NLGN1: variants seen among roughly 807,000 people sequenced by gnomAD.
The protein encoded by NLGN1 is neuroligin-1.
A neutral mutation model predicts 65.5 loss-of-function variants in NLGN1; 12 were observed. The ratio of observed to expected loss-of-function variants is 0.18; its 90% CI spans 0.12 to 0.30. NLGN1 has a LOEUF of 0.30. NLGN1 is among the 10% of genes least tolerant of loss of function. The probability of loss-of-function intolerance (pLI) is 1.00; values close to 1 mark genes in which losing one functional copy is unlikely to be tolerated. For missense variants in NLGN1, 750 were observed against 1,007.1 expected, an observed-to-expected ratio of 0.74 and a Z score of 3.46; for synonymous variants, 350 against 359.5, an observed-to-expected ratio of 0.97 and a Z score of 0.30.
chr3:173,949,078 G>A (rs753520799), intron 4 of NLGN1, among the ~76,000 whole-genome samples: 2 of 151,758 alleles, frequency 1.3e-5, no homozygotes, highest in South Asian at 4.2e-4. Flanking sequence ...CTCATAAATA[G>A]AAACAGCTAA....
chr3:174,015,709 A>AAACAG, intron 4 of NLGN1, among the ~76,000 whole-genome samples: 1 of 152,278 alleles, frequency 6.6e-6, no homozygotes, highest in East Asian at 1.9e-4. Context: ...AGAAAACAGA[A>AAACAG]GACAGGAGTG....
intron 2 of NLGN1, among the ~76,000 whole-genome samples, chr3:173,517,820 A>G (rs918870853): frequency 1.3e-5 from 2 of 149,352 alleles, no homozygotes; most frequent in South Asian, 2.1e-4. Flanking sequence ...TCTGTCATCT[A>G]TCTCCATGGT....
intron 4 of NLGN1, among the ~76,000 whole-genome samples, chr3:173,934,497 T>A (rs1470202432): frequency 6.6e-6 from 1 of 151,894 alleles, no homozygotes; most frequent in Non-Finnish European, 1.5e-5. Context: ...AATATTAGGA[T>A]AAAACTCAAA....
At chr3:174,197,123 A>G (rs1400062874) in intron 4 of NLGN1, among the ~76,000 whole-genome samples, 1 of 152,250 alleles carries the variant, frequency 6.6e-6, no homozygotes, top group Non-Finnish European at 1.5e-5. Flanking sequence ...CCATGCCCAC[A>G]GAAGGTGAGA....
chr3:173,717,535 TAAAAGTAGAGCA>T (rs757150326), intron 3 of NLGN1, among the ~76,000 whole-genome samples: 3 of 152,156 alleles, frequency 2.0e-5, no homozygotes, highest in Non-Finnish European at 4.4e-5. Context: ...GCTTGTAGGT[TAAAAGTAGAGCA>T]AAAATTTCAC....
At chr3:173,791,469 C>G (rs992194589) in intron 3 of NLGN1, among the ~76,000 whole-genome samples, 3 of 151,244 alleles carry the variant, frequency 2.0e-5, no homozygotes, top group Admixed American at 6.6e-5. Context: ...AGTTTGAACT[C>G]TAGGATCTTT....
rs1726388438 is a variant in NLGN1, at chr3:173,477,265, G to A, written c.-321+42187G>A. ...AGGTCAAGAATGAAACCCTGACCAG[G>A]TGCAGTGGTTCATGTCTGTAATCCC... On this transcript the variant is annotated intron_variant, in intron 2 of 6. Coordinates refer to ENST00000457714, the Ensembl canonical transcript of NLGN1. 1.3e-5 allele frequency among the ~76,000 whole-genome samples: 2 copies of A among 152,170 alleles called. 1 individual carries two copies.
At chr3:173,959,696 T>C (rs1020253252) in intron 4 of NLGN1, among the ~76,000 whole-genome samples, 2 of 152,236 alleles carry the variant, frequency 1.3e-5, no homozygotes, top group Non-Finnish European at 2.9e-5. Context: ...ATTTACATCA[T>C]ATGCAAAAGT....
chr3:173,873,340 C>G (rs1731529349), intron 4 of NLGN1, among the ~76,000 whole-genome samples: 2 of 152,122 alleles, frequency 1.3e-5, no homozygotes, highest in African/African-American at 4.8e-5. Context: ...CCGTCCATCT[C>G]AGCCTCCCAA....
intron 4 of NLGN1, among the ~76,000 whole-genome samples, chr3:174,231,093 G>A (rs1740617828): frequency 6.6e-6 from 1 of 152,172 alleles, no homozygotes; most frequent in South Asian, 2.1e-4. Context: ...GAACGAACAA[G>A]GATACCTTGG....
At chr3:173,802,880 T>C (rs11919301) in intron 3 of NLGN1, among the ~76,000 whole-genome samples, 6,805 of 151,554 alleles carry the variant, frequency 0.045, 382 homozygotes, top group East Asian at 0.18. Flanking sequence ...CCTTTTGTCA[T>C]GGAGACTGGA....
chr3:173,948,831 A>G (rs77326075), intron 4 of NLGN1, among the ~76,000 whole-genome samples: 1,937 of 152,304 alleles, frequency 0.013, 42 homozygotes, highest in African/African-American at 0.044. Flanking sequence ...TGGACATTAT[A>G]CTTGATTATG....
intron 4 of NLGN1, among the ~76,000 whole-genome samples, chr3:174,077,125 A>G (rs972479640): frequency 2.0e-5 from 3 of 152,272 alleles, no homozygotes; most frequent in African/African-American, 7.2e-5. Flanking sequence ...TTTTCCTACT[A>G]AATCAATACA....
intron 3 of NLGN1, among the ~76,000 whole-genome samples, chr3:173,770,298 C>A (rs1262477388): frequency 6.6e-6 from 1 of 152,124 alleles, no homozygotes; most frequent in East Asian, 1.9e-4. Flanking sequence ...ACATGTAAAA[C>A]ATTTACAGAA....
At chr3:173,673,230 C>T (rs1762687930) in intron 3 of NLGN1, among the ~76,000 whole-genome samples, 1 of 152,098 alleles carries the variant, frequency 6.6e-6, no homozygotes, top group East Asian at 1.9e-4. Flanking sequence ...ATACTAAAAT[C>T]ATGTGAGCAT....
At chr3:173,799,580 A>C (rs1477466353) in intron 3 of NLGN1, among the ~76,000 whole-genome samples, 1 of 151,966 alleles carries the variant, frequency 6.6e-6, no homozygotes, top group Non-Finnish European at 1.5e-5. Context: ...TAACTACCTT[A>C]ATAGCTAAAC....
At chr3:173,561,692 ATTT>A (rs1430928586) in intron 2 of NLGN1, among the ~76,000 whole-genome samples, 1 of 152,228 alleles carries the variant, frequency 6.6e-6, no homozygotes, top group Non-Finnish European at 1.5e-5. Flanking sequence ...CCAAATAAAT[ATTT>A]ATTACCTTAC....
intron 4 of NLGN1, among the ~76,000 whole-genome samples, chr3:173,860,675 A>G (rs1431703613): frequency 6.6e-6 from 1 of 152,174 alleles, no homozygotes; most frequent in Non-Finnish European, 1.5e-5. Context: ...GCAGGTAGGG[A>G]AGTTTGGATC....
At chr3:173,978,834 TAAAA>T (rs34496124) in intron 4 of NLGN1, among the ~76,000 whole-genome samples, 6 of 111,262 alleles carry the variant, frequency 5.4e-5, no homozygotes, top group African/African-American at 1.3e-4. Flanking sequence ...CTTCTCTAAT[TAAAA>T]AAAAAAAAAA....
Sources: allele counts gnomAD v4.1 joint callset (sites outside exome capture counted in the v4.1 genomes callset), GRCh38; gene constraint gnomAD v4.1.1; transcripts MANE v1.5; gene names NCBI Gene and HGNC (gene_info 2026-07-23, HGNC 2026-07-21).